Variants in LRCH3 observed in about 807,000 individuals in gnomAD.
LRCH3 encodes DISP complex protein LRCH3.
A neutral mutation model predicts 104.5 loss-of-function variants in LRCH3; 68 were observed. That is an observed-to-expected ratio of 0.65 (90% confidence interval 0.54 to 0.80). The LOEUF is 0.80. Among genes scored for constraint, LRCH3 ranks in the 30% least tolerant of loss-of-function variants. The probability of loss-of-function intolerance (pLI) is 0.00; values close to 1 mark genes in which losing one functional copy is unlikely to be tolerated. For synonymous variants in LRCH3, 344 were observed against 361.3 expected (o/e 0.95, Z 0.54); for missense variants, 951 against 953.9 (o/e 1.00, Z 0.04).
chr3:197,875,946 T>C (rs1712839166), intron 20 of LRCH3, 171 bp downstream of exon 20: 1 of 464,910 alleles, frequency 2.2e-6, no homozygotes, highest in Non-Finnish European at 3.8e-6. Context: ...TCCTTGATTA[T>C]TTCCAAGGAC....
chr3:197,833,997 A>G (rs1351961464), intron 8 of LRCH3, among the ~76,000 whole-genome samples: 1 of 152,248 alleles, frequency 6.6e-6, no homozygotes, highest in Non-Finnish European at 1.5e-5. Flanking sequence ...TAATAACTCA[A>G]AATTCAATTT....
chr3:197,859,116 C>G (rs114632383), intron 15 of LRCH3: 2 of 531,908 alleles, frequency 3.8e-6, no homozygotes, highest in South Asian at 4.9e-5. Context: ...ATTAATTCTT[C>G]GTATTCAGAT....
At chr3:197,814,011 T>A (rs1459374433) in intron 1 of LRCH3, among the ~76,000 whole-genome samples, 2 of 152,204 alleles carry the variant, frequency 1.3e-5, no homozygotes, top group Admixed American at 1.3e-4. Context: ...GTGATACCTT[T>A]ATATAGGGAA....
intron 1 of LRCH3, among the ~76,000 whole-genome samples, chr3:197,795,686 G>GTTTTTTTTTT (rs1167369678): frequency 9.1e-5 from 6 of 65,820 alleles, no homozygotes; most frequent in Non-Finnish European, 1.1e-4. Flanking sequence ...AAAAGTTGTT[G>GTTTTTTTTTT]TTTTTTTTTT....
intron 13 of LRCH3, among the ~76,000 whole-genome samples, chr3:197,852,898 C>T (rs1022451142): frequency 1.2e-4 from 19 of 152,234 alleles, no homozygotes; most frequent in African/African-American, 4.1e-4. Context: ...ACTTTTGAAG[C>T]GTTGTGTGTA....
intron 17 of LRCH3, among the ~76,000 whole-genome samples, chr3:197,869,340 C>T (rs925422425): frequency 2.0e-5 from 3 of 150,978 alleles, no homozygotes; most frequent in South Asian, 2.1e-4. Flanking sequence ...AAGTAGAAAG[C>T]GGTGCACTGT....
At position 197,854,289 on chromosome 3, in the gene LRCH3, T is replaced by A; in HGVS notation, c.1591-103T>A. On this transcript the variant is annotated intron_variant, in intron 13 of 20. Transcript: ENST00000425562. This position sits in a 1 kb window ranked among gnomAD's most constrained non-coding sequence, Gnocchi z 4.5. ...TCCTCTATGTCAACGTCTTCAAAAGTATGTCTTAATATGTCTCTTCCCTTG... is the reference window on the plus strand; with the variant it reads ...TCCTCTATGTCAACGTCTTCAAAAGAATGTCTTAATATGTCTCTTCCCTTG... The A allele has an allele frequency of 1.0e-6, 1 of 972,564 alleles. No individual in the cohort carries two copies. Among genetic ancestry groups the A allele is most frequent in the Admixed American group, 1.7e-5 (1 of 57,668 alleles). 60.2% of individuals were successfully genotyped at this position (972,564 alleles called of 1,614,324 possible). A position where few individuals can be genotyped will look rare whatever the true frequency, so the allele number is the denominator to read the frequency against.
intron 1 of LRCH3, among the ~76,000 whole-genome samples, chr3:197,813,373 GT>G (rs1414167010): frequency 6.6e-6 from 1 of 152,094 alleles, no homozygotes; most frequent in Non-Finnish European, 1.5e-5. Context: ...TGATAGAGGG[GT>G]GGTTTGTCAT....
At position 197,824,453 on chromosome 3, in the gene LRCH3, T is replaced by C. The variant is rs1016618156; in HGVS notation, c.641-2425T>C. 1.1e-4 allele frequency among the ~76,000 whole-genome samples: 16 copies of C among 150,884 alleles called. 1 individual carries two copies. Among genetic ancestry groups the C allele is most frequent in the African/African-American group, 3.9e-4 (16 of 40,850 alleles). Reference sequence around the variant, plus strand: ...TCTATGGCTAATTCCACCCTCTTTTTCCAGCAGGCTTTCTGGTCAGACCAG... The same window carrying C: ...TCTATGGCTAATTCCACCCTCTTTTCCCAGCAGGCTTTCTGGTCAGACCAG... On this transcript the variant is annotated intron_variant, in intron 4 of 20. Coordinates refer to ENST00000425562, the MANE Select transcript of LRCH3 (RefSeq NM_001365715.1).
intron 10 of LRCH3, among the ~76,000 whole-genome samples, chr3:197,840,809 T>G (rs2109344339): frequency 6.6e-6 from 1 of 152,350 alleles, no homozygotes; most frequent in South Asian, 2.1e-4. Flanking sequence ...GAAATTTATT[T>G]CAGAATGTCT....
At chr3:197,852,827 C>A (rs1739793207) in intron 13 of LRCH3, among the ~76,000 whole-genome samples, 1 of 152,122 alleles carries the variant, frequency 6.6e-6, no homozygotes, top group South Asian at 2.1e-4. Context: ...CTATACACAT[C>A]CATCTAGAGA....
intron 20 of LRCH3, chr3:197,880,807 C>G (rs1420155509): frequency 6.6e-7 from 1 of 1,520,522 alleles, no homozygotes; most frequent in Admixed American, 2.0e-5. Flanking sequence ...AGTGCTTTTT[C>G]TCCCTGCTGG....
chr3:197,824,800 G>C (rs913758485), intron 4 of LRCH3, among the ~76,000 whole-genome samples: 1 of 151,610 alleles, frequency 6.6e-6, no homozygotes, highest in Non-Finnish European at 1.5e-5. Flanking sequence ...TTGAACTTCT[G>C]ACCTCGTGAT....
chr3:197,858,659 C>T (rs1028089894), intron 14 of LRCH3, among the ~76,000 whole-genome samples, 175 bp from the exon 15 acceptor site: 1 of 152,080 alleles, frequency 6.6e-6, no homozygotes, highest in African/African-American at 2.4e-5. Context: ...AAACTGTGTC[C>T]ATGGGTTTTT....
intron 19 of LRCH3, among the ~76,000 whole-genome samples, chr3:197,872,293 G>T (rs1374009997): frequency 6.7e-6 from 1 of 150,010 alleles, no homozygotes; most frequent in African/African-American, 2.5e-5. Context: ...GGAGTTCGAG[G>T]CTGCAGTGAG....
At chr3:197,804,027 G>A (rs1469058432) in intron 1 of LRCH3, among the ~76,000 whole-genome samples, 1 of 152,206 alleles carries the variant, frequency 6.6e-6, no homozygotes, top group Non-Finnish European at 1.5e-5. Flanking sequence ...GGAGGCTGAG[G>A]CAGGTGGATC....
Position 197,834,635 on chromosome 3 carries a change from G to A in LRCH3, c.1103-1039G>A, listed in dbSNP as rs547426548. On this transcript the variant is annotated intron_variant, in intron 8 of 20. Coordinates refer to ENST00000425562, the MANE Select transcript of LRCH3 (RefSeq NM_001365715.1). ...ATATTAAGCCCCAGACCTAAAACAC[G>A]AAAACACAAAGATGCACCTTTCAGT... is the stretch of plus-strand genomic sequence containing the variant. Among the ~76,000 whole-genome samples the A allele has an allele frequency of 5.3e-5, 8 of 152,244 alleles. No homozygotes were observed. In the East Asian group the frequency reaches 1.5e-3, roughly 29 times the overall value.
intron 14 of LRCH3, among the ~76,000 whole-genome samples, chr3:197,857,417 G>A (rs1276826327): frequency 5.5e-5 from 8 of 146,142 alleles, no homozygotes; most frequent in Admixed American, 2.7e-4. Flanking sequence ...ATTCTCTTCC[G>A]GCTACCCCTC....
At chr3:197,792,748 C>T (rs1285418197) in intron 1 of LRCH3, among the ~76,000 whole-genome samples, 2 of 149,178 alleles carry the variant, frequency 1.3e-5, no homozygotes, top group African/African-American at 4.9e-5. Context: ...GCCTCCCAGG[C>T]TCAGGTGATC....
Sources: allele counts gnomAD v4.1 joint callset (sites outside exome capture counted in the v4.1 genomes callset), GRCh38; gene constraint gnomAD v4.1.1; non-coding constraint Gnocchi (gnomAD v3.1); transcripts MANE v1.5; gene names NCBI Gene and HGNC (gene_info 2026-07-23, HGNC 2026-07-21).